Variants in DUS3L observed in about 807,000 individuals in gnomAD.
DUS3L encodes dihydrouridine synthase 3 like, also known as tRNA-dihydrouridine(47) synthase [NAD(P)(+)]-like.
Under a neutral mutation model 74.6 loss-of-function variants are expected in DUS3L, and 62 were observed. The ratio of observed to expected loss-of-function variants is 0.83; its 90% confidence interval spans 0.68 to 1.03. The LOEUF is 1.03. Among genes scored for constraint, DUS3L ranks in the 50% least tolerant of loss-of-function variants. DUS3L has a pLI of 0.00. For missense variants in DUS3L, 884 were observed against 924.4 expected (o/e 0.96, Z 0.57); for synonymous variants, 433 against 395.7 (o/e 1.09, Z -1.12).
intron 3 of DUS3L, among the ~76,000 whole-genome samples, chr19:5,788,884 T>C (rs905736203): frequency 2.6e-5 from 4 of 152,110 alleles, no homozygotes; most frequent in African/African-American, 4.8e-5. Context: ...TTTTTGTATT[T>C]TTAGTAGAGA....
At chr19:5,785,564 G>A (rs944439266) in intron 11 of DUS3L, 39 bp downstream of exon 11, 5 of 1,570,714 alleles carry the variant, frequency 3.2e-6, no homozygotes, top group Admixed American at 3.6e-5. Context: ...ACCAGCCGCG[G>A]CCCACGCGCC....
intron 2 of DUS3L, 122 bp downstream of exon 2, chr19:5,789,925 C>T (rs1243174798): frequency 1.4e-5 from 20 of 1,390,988 alleles, no homozygotes; most frequent in Non-Finnish European, 1.7e-5. Flanking sequence ...GACGGAATGG[C>T]ATCAGAGCAA....
chr19:5,791,050 T>A lies in DUS3L; in HGVS notation c.92A>T (p.Lys31Met). 1 of 1,602,500 alleles carries A rather than the reference T, an allele frequency of 6.2e-7. No homozygotes were observed. Among genetic ancestry groups the A allele is most frequent in the Non-Finnish European group, 8.5e-7 (1 of 1,174,994 alleles). Reference protein sequence around the residue: ...GALERGVAPIKRQYLTTKEQF... With the variant: ...GALERGVAPIMRQYLTTKEQF... ...TCCTGCCCCGGCGACTCACTGACGC[T>A]TAATGGGCGCCACTCCTCGTTCCAA... The change falls in exon 1 of 13, where the codon AAG (lysine) becomes ATG (methionine). Residue 31 changes from lysine to methionine, a missense_variant. By Grantham distance (95) the Lys-to-Met change is moderately conservative. Coordinates refer to ENST00000309061, the MANE Select transcript of DUS3L (RefSeq NM_020175.3).
At position 5,789,273 on chromosome 19, in the gene DUS3L, G is replaced by A. The variant is rs200504209; in HGVS notation, c.834C>T (p.Pro278=). 6 of 1,587,372 alleles carry A rather than the reference G, an allele frequency of 3.8e-6. No individual in the cohort carries two copies. The highest frequency in any genetic ancestry group is 1.8e-5 in the Admixed American group (1 of 54,876). ...GPGTSTPPSS[P]VRTCGPLTDE... ...CCGTCAGGGGCCCGCAGGTCCGCAC[G>A]GGGCTGCTGGGAGGGGTGCTAGTGC... The change falls in exon 3 of 13, where the codon CCC becomes CCT. Residue 278 remains proline (P), a synonymous_variant. Coordinates refer to ENST00000309061, the MANE Select transcript of DUS3L (RefSeq NM_020175.3).
At chr19:5,786,950 G>T in intron 8 of DUS3L, 105 bp from the exon 9 acceptor site, 1 of 1,492,114 alleles carries the variant, frequency 6.7e-7, no homozygotes, top group South Asian at 1.3e-5. Context: ...CACAGGCGGA[G>T]ACAGAGGGAG....
At position 5,788,210 on chromosome 19, in the gene DUS3L, T is replaced by G; in HGVS notation, c.943-34A>C. On this transcript the variant is annotated intron_variant, in intron 4 of 12. Coordinates refer to ENST00000309061, the MANE Select transcript of DUS3L (RefSeq NM_020175.3). ...GGAGCAGGACAGACACACATGCTCT[T>G]GCACGCGCACACACACACACACACA... 3 of 1,611,938 alleles carry G rather than the reference T, an allele frequency of 1.9e-6. No individual in the cohort carries two copies. In the South Asian group the frequency reaches 3.3e-5, roughly 18 times the overall value.
chr19:5,790,698 G>C (rs1421983596), intron 1 of DUS3L: 2 of 541,988 alleles, frequency 3.7e-6, no homozygotes, highest in African/African-American at 3.8e-5. Context: ...CACGCCCCGC[G>C]GCACTCGCTT....
At chr19:5,789,983 G>C in intron 2 of DUS3L, 64 bp downstream of exon 2, 2 of 1,590,796 alleles carry the variant, frequency 1.3e-6, no homozygotes, top group East Asian at 2.3e-5. Flanking sequence ...ACAATTACCC[G>C]CTGCCAGGAA....
In DUS3L at chr19:5,789,462, C is replaced by G. The variant is rs1305411172; in HGVS notation, c.645G>C (p.Gln215His). Reference protein sequence around the residue: ...SIRNGLDKALQQQLRKREVRF... With the variant: ...SIRNGLDKALHQQLRKREVRF... ...GGACCTCGCGCTTCCGCAGCTGCTGCTGCAGGGCTTTGTCCAGGCCGTTGC... is the reference window on the plus strand; with the variant it reads ...GGACCTCGCGCTTCCGCAGCTGCTGGTGCAGGGCTTTGTCCAGGCCGTTGC... The change falls in exon 3 of 13, where the codon CAG (glutamine) becomes CAC (histidine). Residue 215 changes from glutamine to histidine, a missense_variant. Transcript: ENST00000309061. The G allele has an allele frequency of 6.2e-7, 1 of 1,602,708 alleles. No individual in the cohort carries two copies. The highest frequency in any genetic ancestry group is 8.5e-7 in the Non-Finnish European group (1 of 1,178,880).
chr19:5,786,710 G>C, intron 9 of DUS3L, 39 bp downstream of exon 9: 1 of 1,602,344 alleles, frequency 6.2e-7, no homozygotes, highest in Non-Finnish European at 8.5e-7. Context: ...GTGACCAAGG[G>C]TGGTAGGGGA....
At position 5,791,087 on chromosome 19, in the gene DUS3L, C is replaced by G; in HGVS notation, c.55G>C (p.Gly19Arg). The G allele has an allele frequency of 5.0e-6, 8 of 1,609,198 alleles. No homozygotes were observed. Among genetic ancestry groups the G allele is most frequent in the Non-Finnish European group, 6.8e-6 (8 of 1,178,252 alleles). The change falls in exon 1 of 13, where the codon GGA (glycine) becomes CGA (arginine). Residue 19 changes from glycine (G) to arginine (R), a missense_variant. Transcript: ENST00000309061. Reference sequence around the variant, plus strand: ...ACTCCTCGTTCCAAAGCTCCGGCTCCCGAGTCGCCACCACCACCATTCTCT... The same window carrying G: ...ACTCCTCGTTCCAAAGCTCCGGCTCGCGAGTCGCCACCACCACCATTCTCT... ...PLENGGGGDS[G>R]AGALERGVAP...
rs772373703 is a variant in DUS3L, at chr19:5,785,598, C to A, written c.1751+5G>T. The A allele has an allele frequency of 6.9e-6, 11 of 1,598,616 alleles. No individual in the cohort carries two copies. In the South Asian group the frequency reaches 1.1e-4, roughly 16 times the overall value. ...CCGCCCACCCCAGCCAGCCCCGGTG[C>A]CCACCGGCACAGGAAGGACAGCCAC... is the stretch of plus-strand genomic sequence containing the variant. On this transcript the variant is annotated splice_donor_5th_base_variant and intron_variant, in intron 11 of 12. Transcript: ENST00000309061.
chr19:5,790,920 C>G, intron 1 of DUS3L, 124 bp downstream of exon 1: 1 of 956,726 alleles, frequency 1.0e-6, no homozygotes, highest in South Asian at 1.6e-5. Flanking sequence ...AAGAACGGCC[C>G]GGAATGAAGA....
chr19:5,786,930 C>CA (rs1568385944), intron 8 of DUS3L, 85 bp from the exon 9 acceptor site: 1 of 1,503,730 alleles, frequency 6.7e-7, no homozygotes, highest in Non-Finnish European at 8.9e-7. Flanking sequence ...CTGAGAGAGA[C>CA]AGAGAGAGAC....
Position 5,785,466 on chromosome 19 carries a change from G to C in DUS3L, c.1797C>G (p.Asn599Lys). The C allele has an allele frequency of 1.3e-6, 2 of 1,584,296 alleles. No individual in the cohort carries two copies. The highest frequency in any genetic ancestry group is 1.7e-6 in the Non-Finnish European group (2 of 1,165,296). ...GGCCCAGGTAGTAGGGCGGCCGCTCGTTGATCCTCTGTGGGAGCCGCTCCA... is the reference window on the plus strand; with the variant it reads ...GGCCCAGGTAGTAGGGCGGCCGCTCCTTGATCCTCTGTGGGAGCCGCTCCA... ...GLLERLPQRI[N>K]ERPPYYLGRD... The change falls in exon 12 of 13, where the codon AAC becomes AAG. Residue 599 changes from asparagine to lysine, a missense_variant. Asn to Lys is a moderately conservative substitution (Grantham distance 94). Coordinates refer to ENST00000309061, the MANE Select transcript of DUS3L (RefSeq NM_020175.3).
rs975278082 is a variant in DUS3L, at chr19:5,789,877, C to G, written c.388-158G>C. 3 of 1,295,598 alleles carry G rather than the reference C, an allele frequency of 2.3e-6. No individual in the cohort carries two copies. In the Admixed American group the frequency reaches 7.0e-5, roughly 30 times the overall value. 80.3% of individuals were successfully genotyped at this position (1,295,598 alleles called of 1,614,324 possible). A position where few individuals can be genotyped will look rare whatever the true frequency, so the allele number is the denominator to read the frequency against. On this transcript the variant is annotated intron_variant, in intron 2 of 12. Transcript: ENST00000309061. ...TGCATCTCCATTTATACAATGAGAACAATGACAAGCCCTACAATGTATCCC... is the reference window on the plus strand; with the variant it reads ...TGCATCTCCATTTATACAATGAGAAGAATGACAAGCCCTACAATGTATCCC...
At chr19:5,790,752 C>T (rs997886189) in intron 1 of DUS3L, 4 of 567,238 alleles carry the variant, frequency 7.1e-6, no homozygotes, top group African/African-American at 5.6e-5. Context: ...AGAGCACATG[C>T]GCCGTACGTC....
At chr19:5,790,745 G>C in intron 1 of DUS3L, 1 of 564,466 alleles carries the variant, frequency 1.8e-6, no homozygotes, top group Non-Finnish European at 3.2e-6. Flanking sequence ...CGCTGGCAGA[G>C]CACATGCGCC....
In DUS3L at chr19:5,791,084, C is replaced by T. The variant is rs1188514587; in HGVS notation, c.58G>A (p.Ala20Thr). 3 of 1,608,502 alleles carry T rather than the reference C, an allele frequency of 1.9e-6. No homozygotes were observed. The highest frequency in any genetic ancestry group is 1.7e-5 in the Admixed American group (1 of 59,174). Reference sequence around the variant, plus strand: ...GCCACTCCTCGTTCCAAAGCTCCGGCTCCCGAGTCGCCACCACCACCATTC... The same window carrying T: ...GCCACTCCTCGTTCCAAAGCTCCGGTTCCCGAGTCGCCACCACCACCATTC... ...LENGGGGDSG[A>T]GALERGVAPI... The change falls in exon 1 of 13, where the codon GCC (alanine) becomes ACC (threonine). Residue 20 changes from alanine (A) to threonine (T), a missense_variant. Coordinates refer to ENST00000309061, the MANE Select transcript of DUS3L (RefSeq NM_020175.3).
Sources: gnomAD v4.1 joint callset for allele counts (sites outside exome capture counted in the v4.1 genomes callset) on GRCh38, gnomAD v4.1.1 for gene constraint, MANE v1.5 for transcripts, NCBI Gene and HGNC (gene_info 2026-07-23, HGNC 2026-07-21) for gene names.